The following CEP126 variants were observed in gnomAD, a reference collection of about 807,000 sequenced individuals.
The protein encoded by CEP126 is centrosomal protein 126, also known as centrosomal protein of 126 kDa.
A neutral mutation model predicts 107.8 loss-of-function variants in CEP126; 74 were observed. The ratio of observed to expected loss-of-function variants is 0.69; its 90% confidence interval spans 0.57 to 0.83. The LOEUF is 0.83. CEP126 is among the 40% of genes least tolerant of loss of function. The probability of loss-of-function intolerance (pLI) is 0.00; values close to 1 mark genes in which losing one functional copy is unlikely to be tolerated. For synonymous variants in CEP126, 449 were observed against 446.0 expected, an observed-to-expected ratio of 1.01 and a Z score of -0.08; for missense variants, 1,237 against 1,281.9, an observed-to-expected ratio of 0.96 and a Z score of 0.53.
At position 101,930,934 on chromosome 11, in the gene CEP126, G is replaced by A. The variant is rs1893920; in HGVS notation, c.248+8174G>A. On this transcript the variant is annotated intron_variant, in intron 2 of 10. Transcript: ENST00000263468. ...CACAGGAGTTTTAGTTGTACTTAGC[G>A]GGAGAAATAGAAAAAGTATGTCTAC... 3.7e-3 allele frequency among the ~76,000 whole-genome samples: 568 copies of A among 152,246 alleles called. 4 individuals carry two copies. The highest frequency in any genetic ancestry group is 0.013 in the African/African-American group (541 of 41,540).
intron 6 of CEP126, among the ~76,000 whole-genome samples, chr11:101,973,705 G>C (rs555227339): frequency 6.6e-6 from 1 of 152,034 alleles, no homozygotes; most frequent in Non-Finnish European, 1.5e-5. Context: ...TAATAAAAAG[G>C]CATAGAAAAA....
rs201059030 is a variant in CEP126, at chr11:101,962,856, AGCT to A, written c.1822_1824del (p.Ala608del). The A allele has an allele frequency of 1.4e-3, 2,239 of 1,605,986 alleles. 41 individuals are homozygous for A. The African/African-American group carries it at 0.027, about 20-fold the overall frequency. On this transcript the variant is annotated inframe_deletion, in exon 6 of 11. Transcript: ENST00000263468. ...TTAAGTTTGGAAATCAAAAAGCAGC[AGCT>A]ATCAGAGATAGTATTGAATTAACAA...
chr11:101,996,257 T>G lies in CEP126; in HGVS notation c.3310-1342T>G, dbSNP rs188243275. Among the ~76,000 whole-genome samples the G allele has an allele frequency of 8.3e-4, 127 of 152,276 alleles. 1 individual carries two copies. The highest frequency in any genetic ancestry group is 2.9e-3 in the African/African-American group (122 of 41,562). ...ATTTCCCCAGCAAGCTCCCCCTTCA[T>G]AGTTCCACTTCAGCAGCTTGGGCAT... On this transcript the variant is annotated intron_variant, in intron 10 of 10. Transcript: ENST00000263468.
intron 1 of CEP126, 137 bp from the exon 2 acceptor site, chr11:101,922,503 AT>A: frequency 1.5e-6 from 1 of 681,720 alleles, no homozygotes; most frequent in Non-Finnish European, 2.5e-6. Context: ...TCATATACTA[AT>A]GTGGGCACAT....
chr11:101,970,228 A>G (rs1005129099), intron 6 of CEP126, among the ~76,000 whole-genome samples: 5 of 152,238 alleles, frequency 3.3e-5, no homozygotes, highest in Non-Finnish European at 7.4e-5. Flanking sequence ...TGTAATATAT[A>G]GAGTTGAATT....
At chr11:101,978,243 A>G in intron 6 of CEP126, 104 bp from the exon 7 acceptor site, 1 of 728,272 alleles carries the variant, frequency 1.4e-6, no homozygotes, top group Non-Finnish European at 2.4e-6. Flanking sequence ...AATTAAACTT[A>G]CAGAGTTTTC....
chr11:101,959,281 G>A (rs889254911), intron 5 of CEP126, among the ~76,000 whole-genome samples: 1 of 151,474 alleles, frequency 6.6e-6, no homozygotes. Flanking sequence ...CTCACCTCCC[G>A]AGTAGCTGGG....
chr11:101,973,324 T>TA lies in CEP126; in HGVS notation c.2846-5022dup, dbSNP rs199905037. The stretch of plus-strand genomic sequence containing the variant: ...TATGTGGTACATATACACCATGGAA[T>TA]ACTATGCAGCCATAAAAAGGAACGA... On this transcript the variant is annotated intron_variant, in intron 6 of 10. Transcript: ENST00000263468. Among the ~76,000 whole-genome samples, 1,043 of 152,320 alleles carry TA rather than the reference T, an allele frequency of 6.8e-3. 13 individuals carry two copies. Among genetic ancestry groups the TA allele is most frequent in the African/African-American group, 0.024 (989 of 41,546 alleles).
At chr11:101,991,975 A>G (rs1237060405) in intron 9 of CEP126, among the ~76,000 whole-genome samples, 1 of 152,148 alleles carries the variant, frequency 6.6e-6, no homozygotes, top group Non-Finnish European at 1.5e-5. Flanking sequence ...CTTTGGGTGA[A>G]GGAAGGAAAT....
intron 2 of CEP126, among the ~76,000 whole-genome samples, chr11:101,942,693 C>T (rs1197969980): frequency 6.6e-6 from 1 of 151,238 alleles, no homozygotes; most frequent in Non-Finnish European, 1.5e-5. Flanking sequence ...TGAATAGAAT[C>T]TGAAGGTAGC....
At chr11:101,973,832 A>T (rs934448183) in intron 6 of CEP126, among the ~76,000 whole-genome samples, 1 of 152,120 alleles carries the variant, frequency 6.6e-6, no homozygotes, top group African/African-American at 2.4e-5. Context: ...AACATTTTAT[A>T]TGTTTATGCA....
At chr11:101,984,277 C>T (rs1305276865) in intron 8 of CEP126, among the ~76,000 whole-genome samples, 1 of 152,152 alleles carries the variant, frequency 6.6e-6, no homozygotes, top group Non-Finnish European at 1.5e-5. Context: ...GGACTAAAGA[C>T]ACAATTGTGC....
At chr11:101,977,963 A>G (rs1941211970) in intron 6 of CEP126, among the ~76,000 whole-genome samples, 1 of 152,234 alleles carries the variant, frequency 6.6e-6, no homozygotes, top group African/African-American at 2.4e-5. Context: ...CTTGCAAAAT[A>G]ACCAGGGTGC....
intron 10 of CEP126, among the ~76,000 whole-genome samples, chr11:101,993,192 A>G (rs977956885): frequency 3.3e-5 from 5 of 152,178 alleles, no homozygotes; most frequent in Non-Finnish European, 4.4e-5. Context: ...TAGTTTTTCA[A>G]TCCTCTCCTT....
At chr11:101,938,159 C>CAAAAA (rs1491167740) in intron 2 of CEP126, among the ~76,000 whole-genome samples, 721 of 39,174 alleles carry the variant, frequency 0.018, 74 homozygotes, top group East Asian at 0.05. Context: ...GACTCTGTCT[C>CAAAAA]AAAAAAAAAA....
rs757945390 is a variant in CEP126, at chr11:101,963,137, T to C, written c.2102T>C (p.Leu701Ser). The C allele has an allele frequency of 1.9e-6, 3 of 1,614,092 alleles. No individual in the cohort carries two copies. The highest frequency in any genetic ancestry group is 1.1e-5 in the South Asian group (1 of 91,066). Residue 701 changes from leucine to serine, a missense_variant, in exon 6 of 11, where the codon TTA (leucine) becomes TCA (serine). Around this residue, in one of 3 missense-constraint regions of CEP126, gnomAD observed 1,134 missense variants for 1,150.5 expected, o/e 0.99. Transcript: ENST00000263468. The part of the protein sequence containing the change: ...EDSISENVTT[L>S]GGSGADHMPL... The stretch of plus-strand genomic sequence containing the variant: ...TCTATCTCTGAAAATGTTACGACTT[T>C]AGGAGGATCTGGAGCAGACCATATG...
chr11:101,994,854 C>A (rs1434530528), intron 10 of CEP126, among the ~76,000 whole-genome samples: 1 of 148,668 alleles, frequency 6.7e-6, no homozygotes, highest in South Asian at 2.1e-4. Context: ...GTATCCATAT[C>A]TTTTCTGTGT....
intron 5 of CEP126, among the ~76,000 whole-genome samples, chr11:101,960,487 A>G (rs1940956414): frequency 6.6e-6 from 1 of 152,180 alleles, no homozygotes; most frequent in African/African-American, 2.4e-5. Flanking sequence ...AAGAACAGGC[A>G]TTGAAGTAGC....
chr11:101,973,298 T>C (rs748443388), intron 6 of CEP126, among the ~76,000 whole-genome samples: 7 of 152,188 alleles, frequency 4.6e-5, no homozygotes, highest in Non-Finnish European at 7.3e-5. Context: ...TGGTTTCTAA[T>C]TATGTGGTAC....
Sources: allele counts gnomAD v4.1 joint callset (sites outside exome capture counted in the v4.1 genomes callset), GRCh38; gene constraint gnomAD v4.1.1; regional missense constraint gnomAD v4.1.1; transcripts MANE v1.5; gene names NCBI Gene and HGNC (gene_info 2026-07-23, HGNC 2026-07-21).